The following HHAT variants were observed in gnomAD, a reference collection of about 807,000 sequenced individuals.
The protein encoded by HHAT is hedgehog acyltransferase, also known as protein-cysteine N-palmitoyltransferase HHAT.
A neutral mutation model predicts 70.8 loss-of-function variants in HHAT; 47 were observed. The ratio of observed to expected loss-of-function variants is 0.66; its 90% CI spans 0.53 to 0.85. The LOEUF (loss-of-function observed/expected upper bound fraction) is 0.85. HHAT is among the 40% of genes least tolerant of loss of function. HHAT has a pLI of 0.00. For missense variants in HHAT, 609 were observed against 604.8 expected (o/e 1.01, Z -0.07); for synonymous variants, 228 against 247.6 (o/e 0.92, Z 0.74).
At chr1:210,394,046 C>G (rs1202420129) in intron 4 of HHAT, among the ~76,000 whole-genome samples, 2 of 152,074 alleles carry the variant, frequency 1.3e-5, no homozygotes, top group African/African-American at 4.8e-5. Flanking sequence ...CTGAGGCATC[C>G]TAAACTATAG....
intron 7 of HHAT, among the ~76,000 whole-genome samples, chr1:210,435,225 G>T (rs1279745869): frequency 6.6e-6 from 1 of 151,790 alleles, no homozygotes; most frequent in Admixed American, 6.6e-5. Flanking sequence ...AACATGCAAT[G>T]TTTATCTTTT....
intron 11 of HHAT, among the ~76,000 whole-genome samples, chr1:210,633,255 C>T (rs550493012): frequency 2.0e-5 from 3 of 152,314 alleles, no homozygotes; most frequent in East Asian, 3.9e-4. Context: ...GGGCCAGAAA[C>T]GCCCACTTCA....
In HHAT at chr1:210,340,681, T is replaced by G. The variant is rs185734422; in HGVS notation, c.-43-8252T>G. Among the ~76,000 whole-genome samples, 33 of 152,372 alleles carry G rather than the reference T, an allele frequency of 2.2e-4. No homozygotes were observed. The East Asian group carries it at 6.4e-3, about 29-fold the overall frequency. On this transcript the variant is annotated intron_variant, in intron 1 of 11. Coordinates refer to ENST00000261458, the MANE Select transcript of HHAT (RefSeq NM_018194.6). Reference sequence around the variant, plus strand: ...ATGTATGTGAGTTAGATATTTCATGTGTATTTTGATTACATTTTATTGATT... The same window carrying G: ...ATGTATGTGAGTTAGATATTTCATGGGTATTTTGATTACATTTTATTGATT...
intron 9 of HHAT, among the ~76,000 whole-genome samples, chr1:210,554,089 A>G (rs1390418893): frequency 6.6e-6 from 1 of 151,998 alleles, no homozygotes; most frequent in African/African-American, 2.4e-5. Context: ...TGAACACTGC[A>G]TGTGGAGGGG....
chr1:210,659,084 G>T (rs1019440970), intron 11 of HHAT, among the ~76,000 whole-genome samples: 1 of 152,112 alleles, frequency 6.6e-6, no homozygotes, highest in Non-Finnish European at 1.5e-5. Flanking sequence ...AAATAACTAA[G>T]ATCAGAGCAG....
At chr1:210,619,178 G>C (rs1668344986) in intron 10 of HHAT, among the ~76,000 whole-genome samples, 1 of 152,130 alleles carries the variant, frequency 6.6e-6, no homozygotes, top group Admixed American at 6.5e-5. Flanking sequence ...CACAGGGAGA[G>C]AAACTGCCCC....
rs114359772 is a variant in HHAT, at chr1:210,621,198, C to T, written c.1246-2328C>T. Among the ~76,000 whole-genome samples the T allele has an allele frequency of 8.9e-3, 1,347 of 152,118 alleles. 22 individuals carry two copies. Among genetic ancestry groups the T allele is most frequent in the African/African-American group, 0.031 (1,274 of 41,508 alleles). On this transcript the variant is annotated intron_variant, in intron 10 of 11. Transcript: ENST00000261458. Reference sequence around the variant, plus strand: ...GATTATTTAATACTTGTAATCACTTCCTACAAAAGAAGAGCCACTTAGCTT... The same window carrying T: ...GATTATTTAATACTTGTAATCACTTTCTACAAAAGAAGAGCCACTTAGCTT...
chr1:210,466,272 A>G (rs2094107454), intron 8 of HHAT, among the ~76,000 whole-genome samples: 1 of 152,258 alleles, frequency 6.6e-6, no homozygotes, highest in African/African-American at 2.4e-5. Context: ...TGACATTGCA[A>G]GGAATGTTGA....
At position 210,430,761 on chromosome 1, in the gene HHAT, A is replaced by G. The variant is rs373449956; in HGVS notation, c.856+12436A>G. ...ATGCTTTTTAATGTGTGTTCATATT[A>G]CTGATTTGATATTTGGTTAAATTCT... On this transcript the variant is annotated intron_variant, in intron 7 of 11. Transcript: ENST00000261458. Among the ~76,000 whole-genome samples the G allele has an allele frequency of 3.9e-5, 6 of 151,968 alleles. No individual in the cohort carries two copies. The East Asian group carries it at 1.2e-3, about 29-fold the overall frequency.
intron 9 of HHAT, among the ~76,000 whole-genome samples, chr1:210,522,720 T>G (rs967416799): frequency 6.6e-6 from 1 of 152,180 alleles, no homozygotes; most frequent in Non-Finnish European, 1.5e-5. Context: ...CTCAGCCCTG[T>G]GCCTGGAAAT....
At chr1:210,500,046 A>C (rs1183756404) in intron 8 of HHAT, among the ~76,000 whole-genome samples, 1 of 152,186 alleles carries the variant, frequency 6.6e-6, no homozygotes, top group East Asian at 1.9e-4. Flanking sequence ...TTCAATATAA[A>C]AGGAGGGAAA....
rs1669252685 is a variant in HHAT, at chr1:210,623,458, T to C, written c.1246-68T>C. 1.9e-6 allele frequency: 3 copies of C among 1,580,468 alleles called. No individual in the cohort carries two copies. The South Asian group carries it at 3.4e-5, about 18-fold the overall frequency. The stretch of plus-strand genomic sequence containing the variant: ...GTCCTGGGCTGGTGACAGAGAAAGC[T>C]GGATGGTATCTTAGCCCCATTTTTT... On this transcript the variant is annotated intron_variant, in intron 10 of 11. Coordinates refer to ENST00000261458, the MANE Select transcript of HHAT (RefSeq NM_018194.6).
chr1:210,406,917 T>C lies in HHAT; in HGVS notation c.684+2238T>C, dbSNP rs539512685. Reference sequence around the variant, plus strand: ...GTCTTTTCCTTCCCTCTCTCTCTCTTCTTTTTTAACCCCTTCTAAAACAAT... The same window carrying C: ...GTCTTTTCCTTCCCTCTCTCTCTCTCCTTTTTTAACCCCTTCTAAAACAAT... On this transcript the variant is annotated intron_variant, in intron 6 of 11. Transcript: ENST00000261458. Among the ~76,000 whole-genome samples, 13 of 152,300 alleles carry C rather than the reference T, an allele frequency of 8.5e-5. No homozygotes were observed. The South Asian group carries it at 2.3e-3, about 27-fold the overall frequency.
At chr1:210,427,468 C>T (rs577401040) in intron 7 of HHAT, among the ~76,000 whole-genome samples, 1 of 152,218 alleles carries the variant, frequency 6.6e-6, no homozygotes, top group South Asian at 2.1e-4. Flanking sequence ...CTTAACATTG[C>T]CTTAGCCGTG....
At chr1:210,492,029 C>T (rs1012437913) in intron 8 of HHAT, among the ~76,000 whole-genome samples, 1 of 152,166 alleles carries the variant, frequency 6.6e-6, no homozygotes, top group African/African-American at 2.4e-5. Flanking sequence ...TCCCAAAGTG[C>T]TGGGATTATG....
In HHAT at chr1:210,557,988, G is replaced by A. The variant is rs146577308; in HGVS notation, c.1044-29910G>A. On this transcript the variant is annotated intron_variant, in intron 9 of 11. Coordinates refer to ENST00000261458, the MANE Select transcript of HHAT (RefSeq NM_018194.6). ...GTCAGAAGAGCATTCTTCCCGCTTGGCCTTCAGTGGTATCCTGGAAAAGTG... is the reference window on the plus strand; with the variant it reads ...GTCAGAAGAGCATTCTTCCCGCTTGACCTTCAGTGGTATCCTGGAAAAGTG... Among the ~76,000 whole-genome samples, 310 of 152,296 alleles carry A rather than the reference G, an allele frequency of 2.0e-3. 2 individuals carry two copies. Among genetic ancestry groups the A allele is most frequent in the Non-Finnish European group, 3.4e-3 (228 of 68,022 alleles).
chr1:210,497,652 C>T (rs2094674459), intron 8 of HHAT, among the ~76,000 whole-genome samples: 1 of 152,146 alleles, frequency 6.6e-6, no homozygotes, highest in African/African-American at 2.4e-5. Flanking sequence ...TTCTCTCTAT[C>T]TTCCAGTCAC....
At chr1:210,491,413 G>T (rs765744275) in intron 8 of HHAT, among the ~76,000 whole-genome samples, 2 of 152,158 alleles carry the variant, frequency 1.3e-5, no homozygotes, top group Non-Finnish European at 2.9e-5. Context: ...TCAGAGAGCT[G>T]GTGGGAAGGC....
intron 9 of HHAT, among the ~76,000 whole-genome samples, chr1:210,568,590 C>G (rs185309046): frequency 1.9e-3 from 284 of 152,288 alleles, no homozygotes; most frequent in Non-Finnish European, 3.3e-3. Context: ...TGGGAACATA[C>G]CCAAGCATAG....
Sources: gnomAD v4.1 joint callset for allele counts (sites outside exome capture counted in the v4.1 genomes callset) on GRCh38, gnomAD v4.1.1 for gene constraint, MANE v1.5 for transcripts, NCBI Gene and HGNC (gene_info 2026-07-23, HGNC 2026-07-21) for gene names.